Variants in GPHN observed in about 807,000 individuals in gnomAD.
The protein encoded by GPHN is gephyrin.
A neutral mutation model predicts 95.5 loss-of-function variants in GPHN; 17 were observed. The ratio of observed to expected loss-of-function variants is 0.18; its 90% CI spans 0.12 to 0.27. The LOEUF (loss-of-function observed/expected upper bound fraction) is 0.27, where lower values mean the gene tolerates loss of function less well. Ranked by LOEUF, GPHN falls within the 10% of genes least tolerant of loss-of-function variation. The pLI is 1.00. For synonymous variants in GPHN, 320 were observed against 322.5 expected, an observed-to-expected ratio of 0.99 and a Z score of 0.08; for missense variants, 660 against 978.1, an observed-to-expected ratio of 0.67 and a Z score of 4.34.
chr14:67,561,669 A>C, the GPHN span, among the ~76,000 whole-genome samples: 2 of 151,952 alleles, frequency 1.3e-5, no homozygotes, highest in African/African-American at 2.4e-5. Flanking sequence ...GGAATTTGGG[A>C]CCAGCCTGGG....
chr14:67,164,080 C>G (rs1595450045), intron 19 of GPHN, among the ~76,000 whole-genome samples: 1 of 151,662 alleles, frequency 6.6e-6, no homozygotes, highest in Non-Finnish European at 1.5e-5. Context: ...ACCAGCCTGA[C>G]CAACATGGAG....
the GPHN span, among the ~76,000 whole-genome samples, chr14:67,389,395 C>A: frequency 3.6e-4 from 54 of 152,010 alleles, no homozygotes; most frequent in Admixed American, 3.1e-3. Flanking sequence ...TCAGCCTAAA[C>A]AGGAGGAAGA....
the GPHN span, chr14:67,593,395 G>A: frequency 3.8e-6 from 1 of 266,618 alleles, no homozygotes; most frequent in Non-Finnish European, 7.2e-6. Context: ...GGAGGCTGAG[G>A]TGGGAGAATG....
At chr14:67,095,228 A>G (rs533931295) in intron 12 of GPHN, among the ~76,000 whole-genome samples, 8 of 152,292 alleles carry the variant, frequency 5.3e-5, no homozygotes, top group African/African-American at 1.7e-4. Flanking sequence ...GAATTTGTCT[A>G]TATTCAGTTT....
chr14:66,828,121 T>A (rs1236553620), intron 4 of GPHN, among the ~76,000 whole-genome samples: 1 of 151,920 alleles, frequency 6.6e-6, no homozygotes, highest in African/African-American at 2.4e-5. Flanking sequence ...TGATCTTTAA[T>A]AGGTTCACTT....
the GPHN span, chr14:67,656,296 TA>T: frequency 1.0e-6 from 1 of 991,786 alleles, no homozygotes. Flanking sequence ...CATAAGAACT[TA>T]AAAAAGACTA....
the GPHN span, chr14:67,648,113 AG>A: frequency 6.2e-7 from 1 of 1,614,030 alleles, no homozygotes; most frequent in Non-Finnish European, 8.5e-7. Context: ...CTCCAGCCAC[AG>A]GAACTCCTGT....
chr14:67,415,763 G>A, the GPHN span, among the ~76,000 whole-genome samples: 2 of 152,188 alleles, frequency 1.3e-5, no homozygotes, highest in Non-Finnish European at 2.9e-5. Context: ...TAAAGAAAAT[G>A]TGGTACGTAT....
chr14:67,137,482 G>A (rs985749146), intron 17 of GPHN, among the ~76,000 whole-genome samples: 23 of 151,808 alleles, frequency 1.5e-4, no homozygotes, highest in African/African-American at 4.6e-4. Context: ...ATTATTTTTC[G>A]GCCAGGTGCA....
chr14:66,947,854 C>G (rs2067856839), intron 8 of GPHN, among the ~76,000 whole-genome samples: 1 of 152,084 alleles, frequency 6.6e-6, no homozygotes, highest in African/African-American at 2.4e-5. Flanking sequence ...ATTTGGGAGG[C>G]TGAGGTGGGA....
the GPHN span, chr14:67,685,345 A>T: frequency 1.6e-6 from 1 of 629,904 alleles, no homozygotes; most frequent in Non-Finnish European, 2.7e-6. Flanking sequence ...TACTGCTCAC[A>T]GTAATTTATA....
chr14:66,969,973 C>G (rs1404349377), intron 9 of GPHN, among the ~76,000 whole-genome samples: 2 of 151,730 alleles, frequency 1.3e-5, no homozygotes, highest in Admixed American at 6.6e-5. Flanking sequence ...GTTTTATTCC[C>G]TAAACATCTG....
the GPHN span, among the ~76,000 whole-genome samples, chr14:67,522,030 C>T: frequency 7.9e-5 from 12 of 152,058 alleles, no homozygotes; most frequent in African/African-American, 2.9e-4. Flanking sequence ...AAAAATTAGC[C>T]GGGCATGGTG....
intron 10 of GPHN, among the ~76,000 whole-genome samples, chr14:67,029,479 A>G (rs1246883648): frequency 6.6e-6 from 1 of 152,076 alleles, no homozygotes; most frequent in African/African-American, 2.4e-5. Flanking sequence ...CTGGGATTAC[A>G]GGCATGCGCC....
intron 2 of GPHN, among the ~76,000 whole-genome samples, chr14:66,686,126 A>G (rs903525380): frequency 2.0e-5 from 3 of 152,192 alleles, no homozygotes; most frequent in Admixed American, 1.3e-4. Context: ...TGATACCAGT[A>G]CCATGCTGGT....
intron 3 of GPHN, among the ~76,000 whole-genome samples, chr14:66,796,708 A>G (rs781539527): frequency 6.6e-6 from 1 of 151,960 alleles, no homozygotes; most frequent in Non-Finnish European, 1.5e-5. Flanking sequence ...AGCTCCTTAT[A>G]TATTCTGGTC....
chr14:66,650,442 C>G (rs978426512), intron 1 of GPHN, among the ~76,000 whole-genome samples: 4 of 152,206 alleles, frequency 2.6e-5, no homozygotes, highest in Non-Finnish European at 5.9e-5. Flanking sequence ...AGAGTTGATC[C>G]TGCCTGCTGC....
At chr14:67,477,439 G>T in the GPHN span, among the ~76,000 whole-genome samples, 1 of 152,218 alleles carries the variant, frequency 6.6e-6, no homozygotes. Context: ...AGGTCCCAAG[G>T]CTTCTCTTCC....
At chr14:67,082,223 A>C (rs2076721867) in intron 11 of GPHN, among the ~76,000 whole-genome samples, 1 of 152,070 alleles carries the variant, frequency 6.6e-6, no homozygotes, top group South Asian at 2.1e-4. Context: ...GATTCTACCC[A>C]CCCATGAGCA....
Sources: allele counts gnomAD v4.1 joint callset (sites outside exome capture counted in the v4.1 genomes callset), GRCh38; gene constraint gnomAD v4.1.1; transcripts MANE v1.5; gene names NCBI Gene and HGNC (gene_info 2026-07-23, HGNC 2026-07-21).